Variants in MYBPC1 observed in about 807,000 individuals in gnomAD.
MYBPC1 encodes the protein myosin-binding protein C, slow-type.
In MYBPC1, 52 loss-of-function variants were observed where a neutral mutation model predicts 147.1. The ratio of observed to expected loss-of-function variants is 0.35; its 90% confidence interval spans 0.28 to 0.45. The LOEUF is 0.45. MYBPC1 is among the 20% of genes least tolerant of loss of function. The probability of loss-of-function intolerance (pLI) is 1.00; values close to 1 mark genes in which losing one functional copy is unlikely to be tolerated. For synonymous variants in MYBPC1, 477 were observed against 475.9 expected (o/e 1.00, Z -0.03); for missense variants, 1,228 against 1,440.3 (o/e 0.85, Z 2.39).
chr12:101,637,454 C>CTA (rs1272623958), intron 10 of MYBPC1, among the ~76,000 whole-genome samples: 4 of 151,932 alleles, frequency 2.6e-5, no homozygotes, highest in Non-Finnish European at 5.9e-5. Context: ...CTAGGATTCC[C>CTA]TATATATATA....
chr12:101,658,507 C>G (rs1009536012), intron 18 of MYBPC1, among the ~76,000 whole-genome samples: 1 of 152,072 alleles, frequency 6.6e-6, no homozygotes, highest in Non-Finnish European at 1.5e-5. Flanking sequence ...CCTCCTGTCA[C>G]CACTGCTTTT....
chr12:101,636,985 A>T, intron 10 of MYBPC1: 1 of 196,714 alleles, frequency 5.1e-6, no homozygotes, highest in Non-Finnish European at 8.7e-6. Flanking sequence ...TTAAATGGGG[A>T]CGAAGAGATA....
At chr12:101,612,034 G>A (rs186864782) in intron 1 of MYBPC1, among the ~76,000 whole-genome samples, 188 of 148,116 alleles carry the variant, frequency 1.3e-3, no homozygotes, top group Non-Finnish European at 1.9e-3. Flanking sequence ...CCAAGGTCAC[G>A]CCACTGCACT....
the MYBPC1 span, among the ~76,000 whole-genome samples, chr12:101,692,003 A>T: frequency 2.0e-5 from 3 of 152,202 alleles, no homozygotes; most frequent in African/African-American, 7.2e-5. Flanking sequence ...GAGAAGGCAG[A>T]ATTTAAGTGT....
intron 22 of MYBPC1, among the ~76,000 whole-genome samples, chr12:101,667,369 T>A (rs969994278): frequency 6.6e-6 from 1 of 152,234 alleles, no homozygotes; most frequent in Admixed American, 6.5e-5. Flanking sequence ...TGTGTATAGA[T>A]GACTAGCTAT....
intron 1 of MYBPC1, among the ~76,000 whole-genome samples, chr12:101,610,425 T>G (rs1883814226): frequency 6.6e-6 from 1 of 152,144 alleles, no homozygotes; most frequent in Non-Finnish European, 1.5e-5. Context: ...CCATCCCAAA[T>G]GCAAACACGT....
intron 27 of MYBPC1, among the ~76,000 whole-genome samples, chr12:101,677,759 A>C (rs545556584): frequency 6.6e-6 from 1 of 152,332 alleles, no homozygotes; most frequent in East Asian, 1.9e-4. Flanking sequence ...AGGAGAAACT[A>C]AATTCTATCC....
At chr12:101,683,486 T>C (rs189335065) in intron 30 of MYBPC1, among the ~76,000 whole-genome samples, 33 of 152,262 alleles carry the variant, frequency 2.2e-4, no homozygotes, top group African/African-American at 7.9e-4. Context: ...CCATTACAAA[T>C]TCACAAGTAG....
intron 3 of MYBPC1, among the ~76,000 whole-genome samples, chr12:101,625,568 C>A (rs566143020): frequency 6.6e-6 from 1 of 152,318 alleles, no homozygotes; most frequent in African/African-American, 2.4e-5. Flanking sequence ...GTTAGTGCAG[C>A]TTTTCATTTT....
rs1156867261 is a variant in MYBPC1 at position 101,646,869 on chromosome 12, A to G, written c.1072A>G (p.Thr358Ala). Residue 358 changes from threonine to alanine, a missense_variant, in exon 13 of 32, where the codon ACT (threonine) becomes GCT (alanine). Transcript: ENST00000361466. Reference sequence around the variant, plus strand: ...GACAGCCGGTGATGAGAAATGTTCCACTGAGCTCTTCGTAAGAGGTAAAAA... The same window carrying G: ...GACAGCCGGTGATGAGAAATGTTCCGCTGAGCTCTTCGTAAGAGGTAAAAA... Reference protein sequence around the residue: ...YVTAGDEKCSTELFVREPPIM... With the variant: ...YVTAGDEKCSAELFVREPPIM... The G allele has an allele frequency of 1.2e-6, 2 of 1,614,174 alleles. No individual in the cohort carries two copies. The highest frequency in any genetic ancestry group is 3.3e-5 in the Admixed American group (2 of 60,028).
intron 24 of MYBPC1, 99 bp from the exon 25 acceptor site, chr12:101,673,327 TG>T: frequency 8.1e-7 from 1 of 1,237,822 alleles, no homozygotes. Flanking sequence ...TTTCCAGCCC[TG>T]CCTAGAATGG....
intron 3 of MYBPC1, 138 bp downstream of exon 3, chr12:101,617,381 C>A: frequency 1.2e-6 from 1 of 857,858 alleles, no homozygotes; most frequent in South Asian, 1.5e-5. Context: ...ATCTGCAAGT[C>A]CCAATCAGTA....
chr12:101,673,779 G>A (rs985023677), intron 25 of MYBPC1, among the ~76,000 whole-genome samples, 157 bp downstream of exon 25: 18 of 152,188 alleles, frequency 1.2e-4, no homozygotes, highest in South Asian at 2.1e-4. Context: ...TAGGCTGGGC[G>A]TGGTAGCTTA....
At chr12:101,636,256 T>C (rs573632459) in intron 9 of MYBPC1, among the ~76,000 whole-genome samples, 8 of 152,286 alleles carry the variant, frequency 5.3e-5, no homozygotes, top group African/African-American at 1.9e-4. Context: ...CACTTCGTCC[T>C]CCAAGCCAAT....
At chr12:101,671,285 T>C (rs1187353570) in intron 24 of MYBPC1, among the ~76,000 whole-genome samples, 1 of 151,010 alleles carries the variant, frequency 6.6e-6, no homozygotes, top group Non-Finnish European at 1.5e-5. Context: ...AGAATGTAGG[T>C]CTCTACACAC....
chr12:101,676,311 C>G (rs11611478), intron 26 of MYBPC1, among the ~76,000 whole-genome samples: 2 of 152,022 alleles, frequency 1.3e-5, no homozygotes, highest in African/African-American at 2.4e-5. Context: ...GATTTTCTCA[C>G]GCCTGAAATC....
intron 8 of MYBPC1, among the ~76,000 whole-genome samples, chr12:101,632,873 G>T (rs1038880381): frequency 6.6e-6 from 1 of 152,240 alleles, no homozygotes; most frequent in South Asian, 2.1e-4. Context: ...GGGATTACAG[G>T]CGTGTGCCAC....
intron 1 of MYBPC1, among the ~76,000 whole-genome samples, chr12:101,614,154 C>A (rs556367548): frequency 6.6e-6 from 1 of 152,266 alleles, no homozygotes; most frequent in East Asian, 1.9e-4. Context: ...CAAGTAAATG[C>A]CCGGCCTGCC....
intron 23 of MYBPC1, 82 bp downstream of exon 23, chr12:101,667,981 ACCT>A: frequency 6.7e-7 from 1 of 1,483,468 alleles, no homozygotes; most frequent in Non-Finnish European, 9.2e-7. Context: ...CTTTCTCAAA[ACCT>A]CCTATTTTGT....
Sources: allele counts gnomAD v4.1 joint callset (sites outside exome capture counted in the v4.1 genomes callset), GRCh38; gene constraint gnomAD v4.1.1; transcripts MANE v1.5; gene names NCBI Gene and HGNC (gene_info 2026-07-23, HGNC 2026-07-21).